MPP7: variants seen among roughly 807,000 people sequenced by gnomAD.
MPP7 encodes MAGUK p55 scaffold protein 7.
In MPP7, 60 loss-of-function variants were observed where a neutral mutation model predicts 76.5. The observed-to-expected ratio is 0.78, with a 90% CI of 0.64 to 0.97. The LOEUF is 0.97. Among genes scored for constraint, MPP7 ranks in the 50% least tolerant of loss-of-function variants. The pLI, the probability that MPP7 is intolerant of heterozygous loss-of-function variation, is 0.00. For missense variants in MPP7, 641 were observed against 694.0 expected (o/e 0.92, Z 0.86); for synonymous variants, 237 against 244.5 (o/e 0.97, Z 0.29).
chr10:28,208,576 T>C (rs1204271054), intron 2 of MPP7, among the ~76,000 whole-genome samples: 3 of 151,772 alleles, frequency 2.0e-5, no homozygotes, highest in Non-Finnish European at 2.9e-5. Context: ...AGAAATCCTA[T>C]GAAAGGAGAA....
At chr10:28,184,858 TTA>T (rs1223284115) in intron 3 of MPP7, among the ~76,000 whole-genome samples, 2 of 143,656 alleles carry the variant, frequency 1.4e-5, no homozygotes, top group Non-Finnish European at 3.0e-5. Context: ...ACTTAATATA[TTA>T]TGATTTTTAT....
intron 2 of MPP7, among the ~76,000 whole-genome samples, chr10:28,215,539 G>A (rs1226992766): frequency 1.3e-5 from 2 of 152,112 alleles, no homozygotes; most frequent in African/African-American, 4.8e-5. Flanking sequence ...AATTATGCTG[G>A]GATCTGAAGG....
At chr10:28,257,694 A>G (rs147184060) in intron 1 of MPP7, among the ~76,000 whole-genome samples, 1,521 of 151,436 alleles carry the variant, frequency 0.01, 28 homozygotes, top group East Asian at 0.068. Flanking sequence ...ATGTATACAC[A>G]TGTAACTAAC....
At chr10:28,126,110 TTATC>T (rs1055642569) in intron 6 of MPP7, among the ~76,000 whole-genome samples, 50 of 152,304 alleles carry the variant, frequency 3.3e-4, no homozygotes, top group Non-Finnish European at 5.7e-4. Context: ...TAAGTATCCT[TTATC>T]TATAACTATC....
At chr10:28,088,175 T>C (rs1853110888) in intron 12 of MPP7, among the ~76,000 whole-genome samples, 1 of 152,130 alleles carries the variant, frequency 6.6e-6, no homozygotes, top group African/African-American at 2.4e-5. Context: ...AAGGACTCCA[T>C]CTTACTAAGA....
At chr10:28,068,936 T>C (rs528193146) in intron 13 of MPP7, among the ~76,000 whole-genome samples, 2 of 152,288 alleles carry the variant, frequency 1.3e-5, no homozygotes, top group Admixed American at 1.3e-4. Context: ...GCCAAAAATC[T>C]GTGTAATTTA....
At chr10:28,119,834 T>G (rs1260538170) in intron 10 of MPP7, 119 bp from the exon 11 acceptor site, 6 of 720,872 alleles carry the variant, frequency 8.3e-6, no homozygotes, top group Non-Finnish European at 1.3e-5. Context: ...ATGAATGTAA[T>G]GCAATAGATT....
chr10:28,078,000 T>C (rs1852579793), intron 12 of MPP7, among the ~76,000 whole-genome samples: 1 of 152,196 alleles, frequency 6.6e-6, no homozygotes, highest in Non-Finnish European at 1.5e-5. Flanking sequence ...ATGAGAACAC[T>C]GAGACAATGA....
rs1425576892 is a variant in MPP7 at position 28,214,586 on chromosome 10, C to CA, written c.38-12316_38-12315insT. Among the ~76,000 whole-genome samples, 15 of 152,150 alleles carry CA rather than the reference C, an allele frequency of 9.9e-5. No homozygotes were observed. The East Asian group carries it at 2.5e-3, about 25-fold the overall frequency. On this transcript the variant is annotated intron_variant, in intron 2 of 16. Transcript: ENST00000683449. ...CAGGCACTATGAAGGGCTGGAGATG[C>CA]CGTGACGATGAAACCGCCTTTGCAA...
intron 3 of MPP7, among the ~76,000 whole-genome samples, chr10:28,156,215 C>T (rs1836055783): frequency 6.6e-6 from 1 of 152,164 alleles, no homozygotes; most frequent in Admixed American, 6.5e-5. Context: ...ATATTTAAAA[C>T]AGGATAATAA....
chr10:28,315,553 C>T (rs1381346244), intron 2 of MPP7, among the ~76,000 whole-genome samples: 1 of 152,160 alleles, frequency 6.6e-6, no homozygotes, highest in Non-Finnish European at 1.5e-5. Flanking sequence ...GAGTTTGCGT[C>T]TCCTGAACTG....
chr10:28,282,006 C>T (rs943110677), intron 1 of MPP7: 17 of 152,030 alleles, frequency 1.1e-4, no homozygotes, highest in Non-Finnish European at 2.1e-4. Context: ...AGAAGAACAC[C>T]CACCTTTCTT....
chr10:28,088,240 G>C (rs1307968510), intron 12 of MPP7, among the ~76,000 whole-genome samples: 1 of 152,042 alleles, frequency 6.6e-6, no homozygotes, highest in Non-Finnish European at 1.5e-5. Context: ...ATCATCACGA[G>C]TTTATAAAAG....
intron 5 of MPP7, among the ~76,000 whole-genome samples, chr10:28,139,524 TACAC>T (rs1435750254): frequency 6.6e-6 from 1 of 152,100 alleles, no homozygotes; most frequent in Non-Finnish European, 1.5e-5. Context: ...CACACATACA[TACAC>T]ACAAACACAC....
intron 3 of MPP7, among the ~76,000 whole-genome samples, chr10:28,166,717 A>C (rs1836475449): frequency 6.6e-6 from 1 of 152,174 alleles, no homozygotes; most frequent in South Asian, 2.1e-4. Context: ...TTATCTTTTA[A>C]TTTTTAAAAA....
chr10:28,054,801 C>T (rs758402866), intron 16 of MPP7, among the ~76,000 whole-genome samples: 94 of 152,174 alleles, frequency 6.2e-4, no homozygotes, highest in Admixed American at 3.5e-3. Context: ...CTCAGCCTCC[C>T]GAGTAGCTGG....
chr10:28,211,035 T>C (rs1838115501), intron 2 of MPP7, among the ~76,000 whole-genome samples: 1 of 152,210 alleles, frequency 6.6e-6, no homozygotes, highest in Admixed American at 6.5e-5. Context: ...ACTTAAATAA[T>C]ATGCCGTGAT....
At chr10:28,158,710 G>A (rs1182716889) in intron 3 of MPP7, among the ~76,000 whole-genome samples, 1 of 152,180 alleles carries the variant, frequency 6.6e-6, no homozygotes, top group Non-Finnish European at 1.5e-5. Flanking sequence ...CCCACTGAAA[G>A]TAGTTGGGCT....
At chr10:28,068,290 T>A (rs3885633) in intron 13 of MPP7, among the ~76,000 whole-genome samples, 6,514 of 152,128 alleles carry the variant, frequency 0.043, 456 homozygotes, top group African/African-American at 0.15. Context: ...CTGAAAATGA[T>A]TACAAGCAAT....
Sources: gnomAD v4.1 joint callset for allele counts (sites outside exome capture counted in the v4.1 genomes callset) on GRCh38, gnomAD v4.1.1 for gene constraint, MANE v1.5 for transcripts, NCBI Gene and HGNC (gene_info 2026-07-23, HGNC 2026-07-21) for gene names.